ATG2B: variants seen among roughly 807,000 people sequenced by gnomAD.
ATG2B encodes the protein autophagy related 2B.
Under a neutral mutation model 241.3 loss-of-function variants are expected in ATG2B, and 121 were observed. The ratio of observed to expected loss-of-function variants is 0.50; its 90% CI spans 0.43 to 0.58. ATG2B has a LOEUF of 0.58. ATG2B is among the 20% of genes least tolerant of loss of function. The pLI is 0.00. For synonymous variants in ATG2B, 858 were observed against 876.6 expected (o/e 0.98, Z 0.37); for missense variants, 2,306 against 2,491.6 (o/e 0.93, Z 1.59).
chr14:96,351,481 A>G (rs932457038), intron 1 of ATG2B, among the ~76,000 whole-genome samples: 13 of 152,170 alleles, frequency 8.5e-5, no homozygotes, highest in African/African-American at 2.9e-4. Context: ...CAAGCCTGTA[A>G]TCTCAGCACT....
At chr14:96,294,503 G>A (rs184425543) in intron 36 of ATG2B, among the ~76,000 whole-genome samples, 43 of 152,348 alleles carry the variant, frequency 2.8e-4, no homozygotes, top group Non-Finnish European at 4.6e-4. Flanking sequence ...CCACTGAGCA[G>A]GGAGGGAAGG....
At chr14:96,287,638 G>A (rs1237118700) in intron 41 of ATG2B, among the ~76,000 whole-genome samples, 1 of 152,162 alleles carries the variant, frequency 6.6e-6, no homozygotes, top group Non-Finnish European at 1.5e-5. Context: ...ACAGAGTTTG[G>A]AAGACAGTAA....
At chr14:96,324,883 T>G (rs1380638286) in intron 15 of ATG2B, among the ~76,000 whole-genome samples, 1 of 152,072 alleles carries the variant, frequency 6.6e-6, no homozygotes, top group Non-Finnish European at 1.5e-5. Context: ...AGGGGAACTT[T>G]TGCAAACTAT....
intron 10 of ATG2B, 66 bp downstream of exon 10, chr14:96,332,239 C>A: frequency 4.0e-6 from 5 of 1,239,750 alleles, no homozygotes; most frequent in South Asian, 2.7e-5. Flanking sequence ...GAAAGAAAAG[C>A]ACCAGTAGAA....
intron 1 of ATG2B, among the ~76,000 whole-genome samples, chr14:96,352,219 T>A (rs1888343712): frequency 6.6e-6 from 1 of 152,212 alleles, no homozygotes; most frequent in Non-Finnish European, 1.5e-5. Flanking sequence ...GTGGTGATGC[T>A]GGTGTAAATA....
rs935483848 is a variant in ATG2B, at chr14:96,314,844, G to A, written c.3642+310C>T. On this transcript the variant is annotated intron_variant, in intron 23 of 41. Coordinates refer to ENST00000359933, the MANE Select transcript of ATG2B (RefSeq NM_018036.7). ...GCCTCTCCAGTAGCTGGGATTACAG[G>A]TGCATTCCACCACGCCCAGCTAATT... Among the ~76,000 whole-genome samples, 3 of 152,334 alleles carry A rather than the reference G, an allele frequency of 2.0e-5. No individual in the cohort carries two copies. In the East Asian group the frequency reaches 5.8e-4, roughly 29 times the overall value.
In ATG2B at chr14:96,282,497, G is replaced by A. The variant is rs1886224845; in HGVS notation, c.*3258C>T. On this transcript the variant is annotated 3_prime_UTR_variant, in exon 42 of 42. Coordinates refer to ENST00000359933, the MANE Select transcript of ATG2B (RefSeq NM_018036.7). ...GAGGACTCTGAAGCAAAGCAAAGCA[G>A]AGGGATCTCTCAGACGCCAAGTCAC... 1 of 152,284 alleles carries A rather than the reference G, an allele frequency of 6.6e-6. No individual in the cohort carries two copies. The highest frequency in any genetic ancestry group is 6.5e-5 in the Admixed American group (1 of 15,290). The allele number at this position is 152,284 out of a possible 1,614,324, so 9.4% of individuals were successfully genotyped here.
intron 14 of ATG2B, 87 bp downstream of exon 14, chr14:96,328,260 T>A: frequency 4.5e-6 from 4 of 894,346 alleles, no homozygotes; most frequent in Non-Finnish European, 6.5e-6. Flanking sequence ...TTTAATCTAT[T>A]AAAAATACTT....
chr14:96,312,052 C>T (rs781017394), intron 26 of ATG2B, 37 bp downstream of exon 26: 20 of 1,472,062 alleles, frequency 1.4e-5, no homozygotes, highest in East Asian at 1.1e-4. Context: ...AAAAATAAAG[C>T]AGAATTTATC....
At chr14:96,322,803 C>A (rs1273610307) in intron 16 of ATG2B, 68 bp from the exon 17 acceptor site, 2 of 1,217,934 alleles carry the variant, frequency 1.6e-6, no homozygotes, top group East Asian at 2.4e-5. Flanking sequence ...AACTTTTGTG[C>A]AAATTAATAC....
rs1888144441 is a variant in ATG2B, at chr14:96,345,363, A to G, written c.348T>C (p.Tyr116=). ...PRPATGSEPM[Y]WSSFMTSSMQ... Reference sequence around the variant, plus strand: ...TACTGCTGGTCATAAAACTTGACCAATACATAGGCTCAGAACCAGTTGCTG... The same window carrying G: ...TACTGCTGGTCATAAAACTTGACCAGTACATAGGCTCAGAACCAGTTGCTG... Residue 116 remains tyrosine (Y), a synonymous_variant, in exon 3 of 42, where the codon TAT becomes TAC. Coordinates refer to ENST00000359933, the MANE Select transcript of ATG2B (RefSeq NM_018036.7). The G allele has an allele frequency of 6.2e-7, 1 of 1,611,686 alleles. No homozygotes were observed. Among genetic ancestry groups the G allele is most frequent in the Non-Finnish European group, 8.5e-7 (1 of 1,179,026 alleles).
At chr14:96,325,338 C>A (rs1003002215) in intron 15 of ATG2B, among the ~76,000 whole-genome samples, 2 of 152,086 alleles carry the variant, frequency 1.3e-5, no homozygotes, top group Non-Finnish European at 1.5e-5. Context: ...TGGCACTTAA[C>A]AAGTTCTATT....
chr14:96,347,396 T>C (rs1888198398), intron 1 of ATG2B, 55 bp from the exon 2 acceptor site: 2 of 1,426,700 alleles, frequency 1.4e-6, no homozygotes, highest in Non-Finnish European at 1.9e-6. Context: ...CACAAAGTTG[T>C]GAACTTATTC....
chr14:96,362,662 C>T (rs1347083251), intron 1 of ATG2B, among the ~76,000 whole-genome samples, 153 bp downstream of exon 1: 1 of 152,228 alleles, frequency 6.6e-6, no homozygotes, highest in Non-Finnish European at 1.5e-5. Flanking sequence ...ACAGATTAAA[C>T]AACACTCTAA....
At position 96,363,033 on chromosome 14, in the gene ATG2B, G is replaced by T. The variant is rs1315229725; in HGVS notation, c.-57C>A. Reference sequence around the variant, plus strand: ...TGCGGGTTGCGACGGCTCCGGCCTCGGGGTAGCGACTCCGGCTCCAGGCCG... The same window carrying T: ...TGCGGGTTGCGACGGCTCCGGCCTCTGGGTAGCGACTCCGGCTCCAGGCCG... On this transcript the variant is annotated 5_prime_UTR_variant, in exon 1 of 42. Transcript: ENST00000359933. The T allele has an allele frequency of 4.4e-6, 7 of 1,602,176 alleles. No individual in the cohort carries two copies. The highest frequency in any genetic ancestry group is 1.1e-5 in the South Asian group (1 of 90,300).
chr14:96,344,861 A>G, intron 3 of ATG2B, 105 bp from the exon 4 acceptor site: 1 of 528,766 alleles, frequency 1.9e-6, no homozygotes, highest in Non-Finnish European at 3.2e-6. Context: ...TTTGTTTACA[A>G]AATAAAGAAG....
intron 1 of ATG2B, among the ~76,000 whole-genome samples, chr14:96,352,913 T>G (rs1888368976): frequency 6.6e-6 from 1 of 152,220 alleles, no homozygotes; most frequent in Admixed American, 6.5e-5. Flanking sequence ...GGCCTTCACA[T>G]TCACTCACTG....
chr14:96,288,803 C>G (rs1473063222), intron 41 of ATG2B, among the ~76,000 whole-genome samples: 2 of 134,420 alleles, frequency 1.5e-5, no homozygotes, highest in Non-Finnish European at 3.4e-5. Context: ...GCTGACAACA[C>G]CCAGAAAAAA....
rs528583302 is a variant in ATG2B, at chr14:96,295,357, T to C, written c.5218+125A>G. ...AACAGTATTCGCGAATCAACAAAAA[T>C]AAACACAGAACACATTTATGTAAGT... On this transcript the variant is annotated intron_variant, in intron 35 of 41. Transcript: ENST00000359933. 29 of 877,852 alleles carry C rather than the reference T, an allele frequency of 3.3e-5. No individual in the cohort carries two copies. In the African/African-American group the frequency reaches 4.6e-4, roughly 14 times the overall value. 54.4% of individuals were successfully genotyped at this position (877,852 alleles called of 1,614,324 possible).
Sources: gnomAD v4.1 joint callset for allele counts (sites outside exome capture counted in the v4.1 genomes callset) on GRCh38, gnomAD v4.1.1 for gene constraint, MANE v1.5 for transcripts, NCBI Gene and HGNC (gene_info 2026-07-23, HGNC 2026-07-21) for gene names.